Variants in GPC6 observed in about 807,000 individuals in gnomAD.
The protein encoded by GPC6 is glypican 6.
Under a neutral mutation model 55.2 loss-of-function variants are expected in GPC6, and 14 were observed. The observed-to-expected ratio is 0.25, with a 90% confidence interval of 0.17 to 0.40. The LOEUF is 0.40. GPC6 is among the 10% of genes least tolerant of loss of function. The probability of loss-of-function intolerance (pLI) is 1.00; values close to 1 mark genes in which losing one functional copy is unlikely to be tolerated. For synonymous variants in GPC6, 278 were observed against 259.6 expected, an observed-to-expected ratio of 1.07 and a Z score of -0.68; for missense variants, 641 against 708.5, an observed-to-expected ratio of 0.90 and a Z score of 1.08.
chr13:94,002,512 C>T (rs1375996232), intron 3 of GPC6, among the ~76,000 whole-genome samples: 1 of 152,156 alleles, frequency 6.6e-6, no homozygotes, highest in Non-Finnish European at 1.5e-5. Context: ...AATTAATCCA[C>T]TTTTTCTTTG....
At chr13:94,059,593 G>A (rs777986953) in intron 4 of GPC6, among the ~76,000 whole-genome samples, 6 of 152,058 alleles carry the variant, frequency 3.9e-5, no homozygotes, top group Middle Eastern at 3.2e-3. Flanking sequence ...TAACAAAAAT[G>A]CCATTTCTGG....
chr13:94,051,262 T>C (rs1883938815), intron 4 of GPC6, among the ~76,000 whole-genome samples: 1 of 152,214 alleles, frequency 6.6e-6, no homozygotes, highest in Non-Finnish European at 1.5e-5. Flanking sequence ...AGTTTTCAAA[T>C]GCATTATAAT....
intron 3 of GPC6, among the ~76,000 whole-genome samples, chr13:93,900,815 A>G (rs750335818): frequency 8.5e-5 from 13 of 152,168 alleles, no homozygotes; most frequent in Non-Finnish European, 1.6e-4. Context: ...TAAATAAAAA[A>G]TTTTAAAAAT....
chr13:93,797,952 T>C (rs1202999720), intron 2 of GPC6, among the ~76,000 whole-genome samples: 1 of 152,092 alleles, frequency 6.6e-6, no homozygotes, highest in Non-Finnish European at 1.5e-5. Flanking sequence ...GGCCCTGGAA[T>C]TGGGTCAGGT....
chr13:93,752,778 A>T (rs759793390), intron 2 of GPC6, among the ~76,000 whole-genome samples: 1 of 152,282 alleles, frequency 6.6e-6, no homozygotes, highest in East Asian at 1.9e-4. Flanking sequence ...GACAGGCTGC[A>T]TGTCTTTTAT....
chr13:93,654,015 A>G (rs1156296801), intron 2 of GPC6, among the ~76,000 whole-genome samples: 3 of 152,146 alleles, frequency 2.0e-5, no homozygotes, highest in African/African-American at 7.2e-5. Flanking sequence ...GTGCATTACC[A>G]TTGCAAAACT....
chr13:94,117,977 G>A (rs1162842746), intron 4 of GPC6, among the ~76,000 whole-genome samples: 1 of 152,074 alleles, frequency 6.6e-6, no homozygotes, highest in African/African-American at 2.4e-5. Flanking sequence ...TTTGAGATAT[G>A]TTTCTGCTTT....
At chr13:93,343,952 A>G (rs1303372572) in intron 1 of GPC6, among the ~76,000 whole-genome samples, 2 of 152,130 alleles carry the variant, frequency 1.3e-5, no homozygotes, top group African/African-American at 4.8e-5. Context: ...CATCCTTGCT[A>G]TATATCCACG....
At chr13:93,943,231 T>G (rs1878823083) in intron 3 of GPC6, among the ~76,000 whole-genome samples, 1 of 152,168 alleles carries the variant, frequency 6.6e-6, no homozygotes, top group Non-Finnish European at 1.5e-5. Context: ...TATAGTATAA[T>G]ATACTACGTA....
chr13:94,243,716 C>T lies in GPC6; in HGVS notation c.878-42633C>T, dbSNP rs1241202993. Among the ~76,000 whole-genome samples the T allele has an allele frequency of 2.6e-5, 4 of 152,150 alleles. No homozygotes were observed. The East Asian group carries it at 7.7e-4, about 29-fold the overall frequency. On this transcript the variant is annotated intron_variant, in intron 4 of 8. Transcript: ENST00000377047. The stretch of plus-strand genomic sequence containing the variant: ...CATTAGTGCTCAATCCTCATGGACT[C>T]TGTGCTGACCTCATTGCTTTTTATG...
intron 4 of GPC6, among the ~76,000 whole-genome samples, chr13:94,126,551 G>T (rs1886822259): frequency 6.6e-6 from 1 of 152,046 alleles, no homozygotes; most frequent in African/African-American, 2.4e-5. Flanking sequence ...AAAGAGTTGA[G>T]GTTCTCTAAA....
At chr13:93,798,498 G>A (rs953038799) in intron 2 of GPC6, among the ~76,000 whole-genome samples, 22 of 152,166 alleles carry the variant, frequency 1.4e-4, no homozygotes, top group Non-Finnish European at 2.8e-4. Flanking sequence ...ATTATAGGCA[G>A]TGCAAATCAT....
chr13:94,166,719 T>C (rs1381956386), intron 4 of GPC6, among the ~76,000 whole-genome samples: 1 of 152,162 alleles, frequency 6.6e-6, no homozygotes, highest in Admixed American at 6.5e-5. Context: ...TATTTTAATC[T>C]CCTCAGAAGC....
chr13:93,653,573 G>A (rs1181890989), intron 2 of GPC6, among the ~76,000 whole-genome samples: 1 of 74,318 alleles, frequency 1.3e-5, no homozygotes, highest in Non-Finnish European at 2.6e-5. Flanking sequence ...GAAGTATATG[G>A]CCGTGTGTGT....
chr13:94,274,750 CT>C (rs34886785), intron 4 of GPC6, among the ~76,000 whole-genome samples: 56,171 of 148,000 alleles, frequency 0.38, 10,399 homozygotes, highest in South Asian at 0.47. Flanking sequence ...ATATCAACAT[CT>C]TTTTTTTTTT....
intron 6 of GPC6, among the ~76,000 whole-genome samples, chr13:94,367,505 C>G (rs889495190): frequency 6.6e-6 from 1 of 152,192 alleles, no homozygotes; most frequent in Non-Finnish European, 1.5e-5. Context: ...TTCTTAAAAT[C>G]TGCTGCAAAA....
At chr13:94,122,805 G>T (rs1257292394) in intron 4 of GPC6, among the ~76,000 whole-genome samples, 1 of 152,038 alleles carries the variant, frequency 6.6e-6, no homozygotes, top group Non-Finnish European at 1.5e-5. Context: ...AGTGTATGTT[G>T]AATTTTAATG....
At chr13:94,114,603 A>G (rs1886368610) in intron 4 of GPC6, among the ~76,000 whole-genome samples, 1 of 152,044 alleles carries the variant, frequency 6.6e-6, no homozygotes, top group African/African-American at 2.4e-5. Flanking sequence ...TGGGGTTGGG[A>G]GTAAATTTAT....
intron 4 of GPC6, among the ~76,000 whole-genome samples, chr13:94,136,244 C>T (rs1297131674): frequency 1.4e-5 from 2 of 144,072 alleles, no homozygotes; most frequent in Non-Finnish European, 3.0e-5. Flanking sequence ...ATACCTAGTA[C>T]TAATTACTGG....
Sources: gnomAD v4.1 joint callset for allele counts (sites outside exome capture counted in the v4.1 genomes callset) on GRCh38, gnomAD v4.1.1 for gene constraint, MANE v1.5 for transcripts, NCBI Gene and HGNC (gene_info 2026-07-23, HGNC 2026-07-21) for gene names.